PCDHA7: variants seen among roughly 807,000 people sequenced by gnomAD.
PCDHA7 encodes protocadherin alpha-7.
A neutral mutation model predicts 57.2 loss-of-function variants in PCDHA7; 37 were observed. The ratio of observed to expected loss-of-function variants is 0.65; its 90% CI spans 0.50 to 0.85. The LOEUF (loss-of-function observed/expected upper bound fraction) is 0.85, where lower values mean the gene tolerates loss of function less well. PCDHA7 is among the 40% of genes least tolerant of loss of function. The probability of loss-of-function intolerance (pLI) is 0.00; values close to 1 mark genes in which losing one functional copy is unlikely to be tolerated. For synonymous variants in PCDHA7, 553 were observed against 558.8 expected (o/e 0.99, Z 0.15); for missense variants, 1,188 against 1,241.8 (o/e 0.96, Z 0.65).
intron 1 of PCDHA7, among the ~76,000 whole-genome samples, chr5:140,941,214 CCTTTCTTTCTTT>C (rs60032403): frequency 3.3e-5 from 4 of 122,414 alleles, no homozygotes; most frequent in Non-Finnish European, 6.8e-5. Flanking sequence ...TTTCTTTCTT[CCTTTCTTTCTTT>C]CTTTCTTTCT....
intron 1 of PCDHA7, among the ~76,000 whole-genome samples, chr5:140,937,638 C>T (rs1563161991): frequency 6.7e-6 from 1 of 150,048 alleles, no homozygotes; most frequent in Non-Finnish European, 1.5e-5. Flanking sequence ...AAAGGCAGGG[C>T]ATGGTGGCTC....
At chr5:140,843,592 G>C in intron 1 of PCDHA7, 1 of 1,596,002 alleles carries the variant, frequency 6.3e-7, no homozygotes, top group African/African-American at 1.3e-5. Context: ...AGCCGCAGAG[G>C]GTGTGCTCTG....
At chr5:140,941,310 CTTCT>C (rs2093024652) in intron 1 of PCDHA7, among the ~76,000 whole-genome samples, 1 of 79,250 alleles carries the variant, frequency 1.3e-5, no homozygotes, top group Non-Finnish European at 2.6e-5. Flanking sequence ...CTTTCTTTTT[CTTCT>C]TTCTCTTTTT....
intron 1 of PCDHA7, chr5:140,851,022 TA>T: frequency 7.0e-7 from 1 of 1,428,364 alleles, no homozygotes; most frequent in Non-Finnish European, 9.2e-7. Flanking sequence ...TCTGATAAAG[TA>T]AACCCCTTAA....
chr5:140,879,685 A>G (rs2058084553), intron 1 of PCDHA7, among the ~76,000 whole-genome samples: 1 of 152,266 alleles, frequency 6.6e-6, no homozygotes, highest in East Asian at 1.9e-4. Flanking sequence ...GCTGTAAAAC[A>G]GCAAAAGTTT....
intron 1 of PCDHA7, among the ~76,000 whole-genome samples, chr5:140,840,629 G>C (rs190376919): frequency 6.6e-6 from 1 of 152,022 alleles, no homozygotes; most frequent in South Asian, 2.1e-4. Flanking sequence ...ACAAGCTATA[G>C]AGATATAGAG....
intron 1 of PCDHA7, chr5:140,865,952 T>C (rs2049067031): frequency 6.6e-6 from 1 of 152,220 alleles, no homozygotes; most frequent in Non-Finnish European, 1.5e-5. Context: ...GTCTTCATCA[T>C]TAATTTTGTA....
At chr5:140,972,471 G>A (rs1437633114) in intron 1 of PCDHA7, among the ~76,000 whole-genome samples, 6 of 151,998 alleles carry the variant, frequency 3.9e-5, no homozygotes, top group Non-Finnish European at 8.8e-5. Context: ...TTAAACATCA[G>A]CATTTAACCC....
chr5:140,859,139 T>G (rs2045740585), intron 1 of PCDHA7: 1 of 150,214 alleles, frequency 6.7e-6, no homozygotes, highest in African/African-American at 2.4e-5. Context: ...TTACATAATT[T>G]TATCCAGTAG....
rs373714901 is a variant in PCDHA7, at chr5:140,898,150, G to T, written c.2355+61412G>T. 6.9e-3 allele frequency among the ~76,000 whole-genome samples: 1,047 copies of T among 152,166 alleles called. 8 individuals are homozygous for T. The highest frequency in any genetic ancestry group is 0.024 in the African/African-American group (1,013 of 41,482). ...CCCATTTTGTAGGTTGCCTGTTCAC[G>T]CTGATGGTGGTTTCTTTTGCTGTGC... On this transcript the variant is annotated intron_variant, in intron 1 of 3. Transcript: ENST00000525929.
At chr5:140,862,618 C>CCG in intron 1 of PCDHA7, 1 of 526,556 alleles carries the variant, frequency 1.9e-6, no homozygotes, top group Non-Finnish European at 3.9e-6. Context: ...AGGTAACAAC[C>CCG]CGCGGGGCTG....
In PCDHA7 at chr5:140,850,187, G is replaced by A. The variant is rs2150472147; in HGVS notation, c.2355+13449G>A. ...TGGACGAGAACGACAATGCGCCGGC[G>A]CTGCTGACACCTCGGATGAGGGGCA... On this transcript the variant is annotated intron_variant, in intron 1 of 3. Coordinates refer to ENST00000525929, the MANE Select transcript of PCDHA7 (RefSeq NM_018910.3). 27 of 1,593,150 alleles carry A rather than the reference G, an allele frequency of 1.7e-5. 2 individuals are homozygous for A. In the Admixed American group the frequency reaches 3.4e-4, roughly 20 times the overall value.
At chr5:140,911,909 C>G (rs113000456) in intron 1 of PCDHA7, among the ~76,000 whole-genome samples, 17,713 of 152,106 alleles carry the variant, frequency 0.12, 1,155 homozygotes, top group Middle Eastern at 0.19. Flanking sequence ...TCAGAGCTCT[C>G]TAGAGGACAG....
At chr5:140,906,766 C>T (rs1162031965) in intron 1 of PCDHA7, among the ~76,000 whole-genome samples, 1 of 152,224 alleles carries the variant, frequency 6.6e-6, no homozygotes, top group African/African-American at 2.4e-5. Flanking sequence ...TACTAAGAGA[C>T]ACCCTAAGGG....
At chr5:140,907,927 T>C (rs970960629) in intron 1 of PCDHA7, among the ~76,000 whole-genome samples, 14 of 152,220 alleles carry the variant, frequency 9.2e-5, no homozygotes, top group Admixed American at 9.2e-4. Flanking sequence ...GAGAGGTCCA[T>C]TCACATACCT....
intron 1 of PCDHA7, among the ~76,000 whole-genome samples, chr5:140,886,254 CTA>C (rs1304679943): frequency 6.6e-6 from 1 of 151,720 alleles, no homozygotes; most frequent in Non-Finnish European, 1.5e-5. Flanking sequence ...AAAAGTATCT[CTA>C]TTTATAGATA....
chr5:140,927,275 A>G, intron 1 of PCDHA7: 1 of 1,614,124 alleles, frequency 6.2e-7, no homozygotes, highest in Non-Finnish European at 8.5e-7. Flanking sequence ...CCTGCCGGCG[A>G]CGTGCAGCTG....
Position 140,982,524 on chromosome 5 carries a change from C to T in PCDHA7, c.2464C>T (p.Pro822Ser). ...CATTCTACGGGCTGGTCCAGGAGGG[C>T]CTGATCAGCAGTGGCCAACAGTATC... ...AGILRAGPGG[P>S]DQQWPTVSSA... Residue 822 changes from proline to serine, a missense_variant, in exon 3 of 4, where the codon CCT (proline) becomes TCT (serine). This residue lies in a region of PCDHA7 where 892 missense variants were observed against 788.5 expected (regional missense o/e 1.13). Transcript: ENST00000525929. The T allele has an allele frequency of 6.2e-7, 1 of 1,614,170 alleles. No homozygotes were observed. Among genetic ancestry groups the T allele is most frequent in the Non-Finnish European group, 8.5e-7 (1 of 1,180,030 alleles).
rs370299841 is a variant in PCDHA7, at chr5:140,841,414, C to T, written c.2355+4676C>T. 3 of 1,612,904 alleles carry T rather than the reference C, an allele frequency of 1.9e-6. 1 individual carries two copies. In the African/African-American group the frequency reaches 4.0e-5, roughly 22 times the overall value. ...CCTGGAAGGTGGGGAGCGGCCAGCT[C>T]CACTACTCCGTCCCCGAGGAGGCCA... On this transcript the variant is annotated intron_variant, in intron 1 of 3. Transcript: ENST00000525929.
Sources: allele counts gnomAD v4.1 joint callset (sites outside exome capture counted in the v4.1 genomes callset), GRCh38; gene constraint gnomAD v4.1.1; regional missense constraint gnomAD v4.1.1; transcripts MANE v1.5; gene names NCBI Gene and HGNC (gene_info 2026-07-23, HGNC 2026-07-21).